The following STK32A variants were observed in gnomAD, a reference collection of about 807,000 sequenced individuals.
STK32A encodes serine/threonine-protein kinase 32A.
STK32A carries 41 observed loss-of-function variants against 53.2 expected under a neutral mutation model. That is an observed-to-expected ratio of 0.77 (90% confidence interval 0.60 to 1.00). The LOEUF (loss-of-function observed/expected upper bound fraction) is 1.00, where lower values mean the gene tolerates loss of function less well. Among genes scored for constraint, STK32A ranks in the 50% least tolerant of loss-of-function variants. The probability of loss-of-function intolerance (pLI) is 0.00; values close to 1 mark genes in which losing one functional copy is unlikely to be tolerated. For missense variants in STK32A, 458 were observed against 485.8 expected, an observed-to-expected ratio of 0.94 and a Z score of 0.54; for synonymous variants, 166 against 162.8, an observed-to-expected ratio of 1.02 and a Z score of -0.15.
chr5:147,322,659 C>T (rs954402703), intron 4 of STK32A, among the ~76,000 whole-genome samples: 36 of 152,246 alleles, frequency 2.4e-4, no homozygotes, highest in African/African-American at 8.4e-4. Context: ...TCTAAAGAAA[C>T]ATGTCAAAGA....
intron 2 of STK32A, among the ~76,000 whole-genome samples, chr5:147,260,183 TCTCTCTC>T (rs1269522764): frequency 3.9e-5 from 2 of 51,750 alleles, no homozygotes; most frequent in African/African-American, 1.7e-4. Flanking sequence ...CTCTCTCCTC[TCTCTCTC>T]CTCTCTCTCT....
the STK32A span, chr5:147,401,620 G>A: frequency 8.1e-6 from 13 of 1,613,990 alleles, no homozygotes; most frequent in Non-Finnish European, 3.4e-6. Context: ...CAGCCGCCTT[G>A]GCCCAGTTCT....
At chr5:147,306,251 T>C (rs1035086881) in intron 4 of STK32A, among the ~76,000 whole-genome samples, 18 of 152,076 alleles carry the variant, frequency 1.2e-4, no homozygotes, top group African/African-American at 4.3e-4. Context: ...AATCCCTTTG[T>C]TGGGAAGTGC....
chr5:147,398,596 C>T, the STK32A span, among the ~76,000 whole-genome samples: 1 of 152,192 alleles, frequency 6.6e-6, no homozygotes, highest in African/African-American at 2.4e-5. Flanking sequence ...TATCATCCTC[C>T]ATGTGAAACT....
At chr5:147,316,859 G>GGA (rs367769140) in intron 4 of STK32A, among the ~76,000 whole-genome samples, 9 of 61,324 alleles carry the variant, frequency 1.5e-4, no homozygotes, top group African/African-American at 4.6e-4. Flanking sequence ...TGTTTCTGGC[G>GGA]AAAAAAAAAA....
At chr5:147,344,024 T>C (rs1030189370) in intron 6 of STK32A, among the ~76,000 whole-genome samples, 1 of 152,188 alleles carries the variant, frequency 6.6e-6, no homozygotes, top group African/African-American at 2.4e-5. Flanking sequence ...TGGGATTTAT[T>C]AGAATATCAG....
intron 5 of STK32A, among the ~76,000 whole-genome samples, chr5:147,337,890 G>T (rs894741129): frequency 6.6e-6 from 1 of 152,126 alleles, no homozygotes; most frequent in African/African-American, 2.4e-5. Context: ...CTAGTCAGGG[G>T]CTAGGCTGTA....
chr5:147,258,170 T>TTTTTTTTTTTTTTTTTTTTTTGAGACGGA (rs1554099682), intron 2 of STK32A, among the ~76,000 whole-genome samples: 4 of 147,984 alleles, frequency 2.7e-5, no homozygotes, highest in African/African-American at 1.0e-4. Context: ...TTATAATTTT[T>TTTTTTTTTTTTTTTTTTTTTTGAGACGGA]GTTAAAGAGC....
intron 4 of STK32A, among the ~76,000 whole-genome samples, chr5:147,283,714 G>GA (rs1164117803): frequency 6.6e-6 from 1 of 151,992 alleles, no homozygotes; most frequent in Non-Finnish European, 1.5e-5. Context: ...TAAATTCCTG[G>GA]AAAAATATAA....
intron 2 of STK32A, among the ~76,000 whole-genome samples, chr5:147,249,738 C>A (rs902222796): frequency 6.6e-6 from 1 of 151,536 alleles, no homozygotes; most frequent in Non-Finnish European, 1.5e-5. Context: ...CATGGTGAAA[C>A]CTTGACTCTA....
chr5:147,310,185 CAG>C (rs1276168837), intron 4 of STK32A, among the ~76,000 whole-genome samples: 2 of 152,130 alleles, frequency 1.3e-5, no homozygotes, highest in Admixed American at 6.6e-5. Flanking sequence ...AGAGCAGAGA[CAG>C]GGGAAAAGCA....
chr5:147,251,977 T>G (rs1580989560), intron 2 of STK32A, among the ~76,000 whole-genome samples: 1 of 151,982 alleles, frequency 6.6e-6, no homozygotes, highest in Non-Finnish European at 1.5e-5. Flanking sequence ...CTGAGGCAGG[T>G]GGATCGCTGG....
intron 7 of STK32A, among the ~76,000 whole-genome samples, chr5:147,360,181 G>C (rs1031585580): frequency 2.6e-5 from 4 of 152,148 alleles, no homozygotes; most frequent in Middle Eastern, 3.4e-3. Flanking sequence ...TGGGTGCAGT[G>C]ACTCACACCT....
At chr5:147,314,908 C>G (rs1313522763) in intron 4 of STK32A, among the ~76,000 whole-genome samples, 1 of 151,824 alleles carries the variant, frequency 6.6e-6, no homozygotes, top group Non-Finnish European at 1.5e-5. Flanking sequence ...CCGCACCAGA[C>G]AATTTTTTTT....
At chr5:147,363,115 C>CAAACA (rs1554108683) in intron 8 of STK32A, among the ~76,000 whole-genome samples, 2 of 150,724 alleles carry the variant, frequency 1.3e-5, no homozygotes, top group African/African-American at 4.9e-5. Context: ...AACAAACAAA[C>CAAACA]AAAAAACAAG....
chr5:147,303,204 G>A (rs899718807), intron 4 of STK32A, among the ~76,000 whole-genome samples: 1 of 152,132 alleles, frequency 6.6e-6, no homozygotes, highest in South Asian at 2.1e-4. Context: ...GACAGATTTT[G>A]CTATGTAACA....
chr5:147,363,988 G>A (rs1756632092), intron 8 of STK32A, among the ~76,000 whole-genome samples: 2 of 152,000 alleles, frequency 1.3e-5, no homozygotes, highest in South Asian at 2.1e-4. Context: ...GGCTGAGGCG[G>A]GCAGATCACC....
chr5:147,399,200 G>A, the STK32A span: 2 of 1,614,206 alleles, frequency 1.2e-6, no homozygotes, highest in Non-Finnish European at 1.7e-6. Context: ...GATCTTGGCA[G>A]CGTTTGTGCT....
intron 4 of STK32A, among the ~76,000 whole-genome samples, chr5:147,307,138 A>G (rs1753445512): frequency 6.6e-6 from 1 of 152,144 alleles, no homozygotes; most frequent in African/African-American, 2.4e-5. Context: ...TATTATATAT[A>G]TGGAATGAGC....
Sources: gnomAD v4.1 joint callset for allele counts (sites outside exome capture counted in the v4.1 genomes callset) on GRCh38, gnomAD v4.1.1 for gene constraint, MANE v1.5 for transcripts, NCBI Gene and HGNC (gene_info 2026-07-23, HGNC 2026-07-21) for gene names.